Variants in ACOXL observed in about 807,000 individuals in gnomAD.
ACOXL encodes the protein acyl-CoA oxidase like.
ACOXL carries 70 observed loss-of-function variants against 71.9 expected under a neutral mutation model. The ratio of observed to expected loss-of-function variants is 0.97; its 90% CI spans 0.80 to 1.19. The LOEUF (loss-of-function observed/expected upper bound fraction) is 1.19. Among genes scored for constraint, ACOXL ranks in the 50% most tolerant of loss-of-function variants. The pLI is 0.00. For missense variants in ACOXL, 703 were observed against 736.3 expected (o/e 0.95, Z 0.52); for synonymous variants, 253 against 281.6 (o/e 0.90, Z 1.02).
chr2:110,907,265 GC>G (rs1185965808), intron 10 of ACOXL, among the ~76,000 whole-genome samples: 1 of 152,004 alleles, frequency 6.6e-6, no homozygotes, highest in African/African-American at 2.4e-5. Context: ...TTTTTATAAG[GC>G]CACCAATTCT....
intron 12 of ACOXL, among the ~76,000 whole-genome samples, chr2:110,981,086 G>A (rs1045593001): frequency 2.0e-5 from 3 of 152,148 alleles, no homozygotes; most frequent in Admixed American, 2.0e-4. Context: ...CTCTGGGCTG[G>A]GTGTAGTGGC....
intron 10 of ACOXL, among the ~76,000 whole-genome samples, chr2:110,881,206 A>G (rs1401797428): frequency 6.6e-6 from 1 of 151,796 alleles, no homozygotes; most frequent in African/African-American, 2.4e-5. Flanking sequence ...TACATATCAT[A>G]TATGTAGATA....
At chr2:110,850,121 T>TCA (rs200867442) in intron 10 of ACOXL, among the ~76,000 whole-genome samples, 1,854 of 152,244 alleles carry the variant, frequency 0.012, 18 homozygotes, top group Middle Eastern at 0.058. Flanking sequence ...CAAAGATGGA[T>TCA]CATGAACCTA....
At chr2:110,937,257 A>G (rs777118497) in intron 12 of ACOXL, among the ~76,000 whole-genome samples, 9 of 152,202 alleles carry the variant, frequency 5.9e-5, no homozygotes, top group Non-Finnish European at 1.2e-4. Context: ...CCAGGAGCCC[A>G]CTAGGAGTTG....
At chr2:110,856,221 G>A (rs770934800) in intron 10 of ACOXL, among the ~76,000 whole-genome samples, 7 of 152,072 alleles carry the variant, frequency 4.6e-5, no homozygotes, top group Non-Finnish European at 8.8e-5. Context: ...GTCCCCACTC[G>A]ACCCAGGAAA....
chr2:111,009,876 C>G (rs2064062748), intron 14 of ACOXL, among the ~76,000 whole-genome samples: 1 of 152,166 alleles, frequency 6.6e-6, no homozygotes, highest in African/African-American at 2.4e-5. Context: ...AGGACTGAAG[C>G]TACAACCAAA....
chr2:111,076,914 C>A (rs1002919257), intron 16 of ACOXL, among the ~76,000 whole-genome samples: 3 of 152,144 alleles, frequency 2.0e-5, no homozygotes, highest in African/African-American at 7.2e-5. Flanking sequence ...GTCTCTCTCT[C>A]CGTGGTCACA....
chr2:110,916,466 C>G (rs1435264442), intron 11 of ACOXL, among the ~76,000 whole-genome samples: 5 of 151,952 alleles, frequency 3.3e-5, no homozygotes, highest in Non-Finnish European at 7.4e-5. Context: ...CAGGAAAGAT[C>G]TAAAATCGAC....
intron 16 of ACOXL, among the ~76,000 whole-genome samples, chr2:111,060,315 TG>T (rs2066749293): frequency 6.6e-6 from 1 of 152,120 alleles, no homozygotes; most frequent in Admixed American, 6.5e-5. Context: ...CTTTAACCAC[TG>T]GCTCCAATAG....
chr2:110,963,830 C>G, intron 12 of ACOXL: 1 of 1,401,628 alleles, frequency 7.1e-7, no homozygotes. Context: ...CTGTTAGGCA[C>G]TTGATATTTG....
chr2:110,968,778 C>CAAAAAAAAAAAA (rs35801632), intron 12 of ACOXL: 1 of 204,086 alleles, frequency 4.9e-6, no homozygotes, highest in Non-Finnish European at 8.9e-6. Context: ...TTATGGACAG[C>CAAAAAAAAAAAA]AAAAAAAAAA....
chr2:111,024,379 A>G (rs768283603), intron 14 of ACOXL, among the ~76,000 whole-genome samples: 1 of 152,148 alleles, frequency 6.6e-6, no homozygotes, highest in Non-Finnish European at 1.5e-5. Flanking sequence ...AAGAGCAGAG[A>G]CTCATGGAAG....
At chr2:110,799,190 G>A (rs1312886008) in intron 7 of ACOXL, 90 bp downstream of exon 7, 57 of 1,323,410 alleles carry the variant, frequency 4.3e-5, no homozygotes, top group Non-Finnish European at 5.4e-5. Context: ...TTATATTACC[G>A]AAGCACTGAG....
At chr2:110,927,862 A>G (rs2060336085) in intron 11 of ACOXL, among the ~76,000 whole-genome samples, 1 of 152,206 alleles carries the variant, frequency 6.6e-6, no homozygotes, top group Non-Finnish European at 1.5e-5. Flanking sequence ...TTTGAAACGT[A>G]CATTTCTGAA....
chr2:110,975,628 A>G (rs755094818), intron 12 of ACOXL, among the ~76,000 whole-genome samples: 17 of 152,200 alleles, frequency 1.1e-4, no homozygotes, highest in Non-Finnish European at 2.1e-4. Flanking sequence ...GTGAAAAAGA[A>G]GGAGCAAGAT....
intron 16 of ACOXL, among the ~76,000 whole-genome samples, chr2:111,090,665 A>G (rs986817861): frequency 6.6e-6 from 1 of 152,236 alleles, no homozygotes; most frequent in African/African-American, 2.4e-5. Context: ...GGGGAAAACC[A>G]TCATTTGGGA....
chr2:110,809,466 T>C (rs1001476871), intron 9 of ACOXL, among the ~76,000 whole-genome samples: 3 of 152,116 alleles, frequency 2.0e-5, no homozygotes, highest in East Asian at 1.9e-4. Context: ...TGAACGATGA[T>C]CTCCAAGTTG....
intron 12 of ACOXL, among the ~76,000 whole-genome samples, chr2:110,952,705 C>T (rs2061372971): frequency 1.3e-5 from 2 of 152,172 alleles, no homozygotes; most frequent in Admixed American, 6.5e-5. Flanking sequence ...GCTTCAGCCT[C>T]CCAAAATGTT....
At chr2:110,851,727 A>G (rs1053780300) in intron 10 of ACOXL, among the ~76,000 whole-genome samples, 1 of 152,114 alleles carries the variant, frequency 6.6e-6, no homozygotes, top group Non-Finnish European at 1.5e-5. Flanking sequence ...CTGGGATGAC[A>G]TCCCTCCGTG....
Sources: allele counts gnomAD v4.1 joint callset (sites outside exome capture counted in the v4.1 genomes callset), GRCh38; gene constraint gnomAD v4.1.1; transcripts MANE v1.5; gene names NCBI Gene and HGNC (gene_info 2026-07-23, HGNC 2026-07-21).